The following PRR5L variants were observed in gnomAD, a reference collection of about 807,000 sequenced individuals.
PRR5L encodes proline-rich protein 5-like.
A neutral mutation model predicts 36.4 loss-of-function variants in PRR5L; 21 were observed. The observed-to-expected ratio is 0.58, with a 90% confidence interval of 0.41 to 0.83. The LOEUF is 0.83. PRR5L is among the 40% of genes least tolerant of loss of function. The pLI is 0.00. For missense variants in PRR5L, 381 were observed against 473.3 expected, an observed-to-expected ratio of 0.80 and a Z score of 1.81; for synonymous variants, 188 against 197.0, an observed-to-expected ratio of 0.95 and a Z score of 0.38.
At chr11:36,352,583 C>T (rs1319941200) in intron 1 of PRR5L, among the ~76,000 whole-genome samples, 3 of 152,132 alleles carry the variant, frequency 2.0e-5, no homozygotes, top group Non-Finnish European at 4.4e-5. Context: ...AGGAGTAACT[C>T]ATGTCGGTAC....
chr11:36,444,542 C>T (rs1184767540), intron 6 of PRR5L, among the ~76,000 whole-genome samples: 2 of 152,146 alleles, frequency 1.3e-5, no homozygotes, highest in Non-Finnish European at 2.9e-5. Context: ...ATTTGGAGTG[C>T]AGTTCAGGGG....
At chr11:36,360,307 C>A (rs1222952900) in intron 1 of PRR5L, among the ~76,000 whole-genome samples, 1 of 152,096 alleles carries the variant, frequency 6.6e-6, no homozygotes, top group African/African-American at 2.4e-5. Context: ...TATGTGCTAA[C>A]CATCAGTTGC....
chr11:36,451,664 C>T (rs549310053), intron 8 of PRR5L, among the ~76,000 whole-genome samples: 1 of 152,314 alleles, frequency 6.6e-6, no homozygotes, highest in South Asian at 2.1e-4. Context: ...GTATCTGACA[C>T]CAGAAACTGT....
At chr11:36,458,124 G>A (rs772310203) in intron 8 of PRR5L, among the ~76,000 whole-genome samples, 12 of 152,190 alleles carry the variant, frequency 7.9e-5, no homozygotes, top group Non-Finnish European at 1.6e-4. Context: ...GCTCCTTGGC[G>A]TTTTGTCTCT....
intron 4 of PRR5L, among the ~76,000 whole-genome samples, chr11:36,429,564 C>T (rs747852165): frequency 6.6e-6 from 1 of 152,042 alleles, no homozygotes; most frequent in Non-Finnish European, 1.5e-5. Context: ...AATTGAATCA[C>T]AGAGGCGATC....
At chr11:36,419,919 C>T (rs1858227100) in intron 4 of PRR5L, among the ~76,000 whole-genome samples, 1 of 152,088 alleles carries the variant, frequency 6.6e-6, no homozygotes, top group South Asian at 2.1e-4. Context: ...AGTGGGGGTC[C>T]CCCAGGGGAC....
chr11:36,341,543 G>A (rs186900463), intron 1 of PRR5L, among the ~76,000 whole-genome samples: 16 of 152,212 alleles, frequency 1.1e-4, no homozygotes, highest in African/African-American at 3.6e-4. Context: ...GAGCTCAATG[G>A]GACATGCCGT....
At chr11:36,457,943 C>T (rs1723977115) in intron 8 of PRR5L, among the ~76,000 whole-genome samples, 1 of 152,200 alleles carries the variant, frequency 6.6e-6, no homozygotes, top group African/African-American at 2.4e-5. Flanking sequence ...GGGATCCTTG[C>T]TGCTCTGAAC....
At chr11:36,401,350 CG>C in intron 2 of PRR5L, 65 bp downstream of exon 2, 1 of 1,483,690 alleles carries the variant, frequency 6.7e-7, no homozygotes, top group Non-Finnish European at 9.2e-7. Flanking sequence ...GGGAGGCATC[CG>C]GGGGCTGACT....
intron 8 of PRR5L, 112 bp from the exon 9 acceptor site, chr11:36,462,230 G>A: frequency 1.9e-6 from 2 of 1,048,146 alleles, no homozygotes; most frequent in East Asian, 2.7e-5. Flanking sequence ...CTGCACCTAA[G>A]AGCTGCTCCT....
At chr11:36,343,542 G>A (rs938821171) in intron 1 of PRR5L, among the ~76,000 whole-genome samples, 2 of 152,136 alleles carry the variant, frequency 1.3e-5, no homozygotes, top group Non-Finnish European at 2.9e-5. Context: ...CACTGAGCAC[G>A]CAGTAAAGGC....
At chr11:36,392,870 C>T (rs1193126641) in intron 1 of PRR5L, among the ~76,000 whole-genome samples, 2 of 152,202 alleles carry the variant, frequency 1.3e-5, no homozygotes, top group African/African-American at 4.8e-5. Flanking sequence ...TCTCCTGACA[C>T]ATGGGGATTA....
At chr11:36,352,094 T>C (rs1856981564) in intron 1 of PRR5L, among the ~76,000 whole-genome samples, 1 of 151,952 alleles carries the variant, frequency 6.6e-6, no homozygotes, top group Admixed American at 6.6e-5. Flanking sequence ...ACATCTATTA[T>C]TTTTTTATAT....
intron 4 of PRR5L, chr11:36,426,050 A>G (rs1036078909): frequency 3.3e-5 from 5 of 152,240 alleles, no homozygotes; most frequent in African/African-American, 1.2e-4. Flanking sequence ...TAGATGTTGA[A>G]TGTGGATAGT....
At chr11:36,448,281 C>T (rs893547415) in intron 7 of PRR5L, among the ~76,000 whole-genome samples, 3 of 152,164 alleles carry the variant, frequency 2.0e-5, no homozygotes, top group African/African-American at 4.8e-5. Context: ...TCCCCACCCC[C>T]ATTTGCTCTC....
intron 1 of PRR5L, among the ~76,000 whole-genome samples, chr11:36,383,923 T>C (rs1003034230): frequency 3.3e-5 from 5 of 152,180 alleles, no homozygotes; most frequent in Non-Finnish European, 7.4e-5. Flanking sequence ...CTCAAACTCC[T>C]GACCTCAGGT....
intron 1 of PRR5L, among the ~76,000 whole-genome samples, chr11:36,357,748 A>G (rs1201422628): frequency 1.3e-5 from 2 of 152,204 alleles, no homozygotes; most frequent in Admixed American, 1.3e-4. Context: ...CTGCTCATTG[A>G]CAATGCACCT....
chr11:36,455,223 T>G (rs1180902134), intron 8 of PRR5L: 1 of 152,398 alleles, frequency 6.6e-6, no homozygotes, highest in Non-Finnish European at 1.5e-5. Flanking sequence ...ACCACGGGCT[T>G]GGTGTGCTGG....
intron 1 of PRR5L, among the ~76,000 whole-genome samples, chr11:36,322,872 G>A (rs563407752): frequency 2.4e-4 from 37 of 152,276 alleles, no homozygotes; most frequent in African/African-American, 8.7e-4. Context: ...AGGGACCGAG[G>A]AGGAAAATGT....
Sources: allele counts gnomAD v4.1 joint callset (sites outside exome capture counted in the v4.1 genomes callset), GRCh38; gene constraint gnomAD v4.1.1; transcripts MANE v1.5; gene names NCBI Gene and HGNC (gene_info 2026-07-23, HGNC 2026-07-21).